Variants in DOCK1 observed in about 807,000 individuals in gnomAD.
DOCK1 encodes dedicator of cytokinesis 1.
Under a neutral mutation model 262.7 loss-of-function variants are expected in DOCK1, and 138 were observed. The observed-to-expected ratio is 0.53, with a 90% CI of 0.46 to 0.61. The LOEUF is 0.61. Ranked by LOEUF, DOCK1 falls within the 20% of genes least tolerant of loss-of-function variation. The pLI is 0.00. For missense variants in DOCK1, 1,908 were observed against 2,370.7 expected, an observed-to-expected ratio of 0.80 and a Z score of 4.05; for synonymous variants, 866 against 867.4, an observed-to-expected ratio of 1.00 and a Z score of 0.03.
chr10:127,072,883 T>C (rs373283302), intron 23 of DOCK1, among the ~76,000 whole-genome samples: 2 of 152,338 alleles, frequency 1.3e-5, no homozygotes, highest in East Asian at 3.9e-4. Context: ...TGGAAACATT[T>C]ATATCCCACA....
rs139631384 is a variant in DOCK1 at position 127,019,025 on chromosome 10, G to T, written c.1327+190G>T. 3.5e-4 allele frequency: 307 copies of T among 875,168 alleles called. 1 individual carries two copies. The African/African-American group carries it at 4.4e-3, about 13-fold the overall frequency. The allele number at this position is 875,168 out of a possible 1,614,324, so 54.2% of individuals were successfully genotyped here. On this transcript the variant is annotated intron_variant, in intron 13 of 51. Coordinates refer to ENST00000623213, the MANE Select transcript of DOCK1 (RefSeq NM_001290223.2). The stretch of plus-strand genomic sequence containing the variant: ...CCGGAGTGGTAGAATATGCTCCCTG[G>T]CCCCCTGTACCCCTGGATGGATCAG...
intron 27 of DOCK1, among the ~76,000 whole-genome samples, chr10:127,238,741 CG>C (rs2059160817): frequency 6.6e-6 from 1 of 152,184 alleles, no homozygotes; most frequent in East Asian, 1.9e-4. Context: ...AGAAGAAAGA[CG>C]TGACCCAGCC....
intron 12 of DOCK1, 62 bp from the exon 13 acceptor site, chr10:127,018,648 G>C: frequency 6.2e-7 from 1 of 1,609,552 alleles, no homozygotes; most frequent in Non-Finnish European, 8.5e-7. Context: ...AATTGGTTTC[G>C]TGAAAACTTC....
At chr10:127,161,324 A>T (rs2053575547) in intron 27 of DOCK1, among the ~76,000 whole-genome samples, 1 of 152,126 alleles carries the variant, frequency 6.6e-6, no homozygotes, top group Admixed American at 6.5e-5. Context: ...AACTCCCAGG[A>T]TCACCCCTTC....
intron 16 of DOCK1, among the ~76,000 whole-genome samples, 189 bp from the exon 17 acceptor site, chr10:127,031,461 C>G (rs1032114533): frequency 5.3e-5 from 8 of 152,106 alleles, no homozygotes; most frequent in Non-Finnish European, 1.2e-4. Context: ...CAACTGATCC[C>G]TTTATGCTAG....
rs138769711 is a variant in DOCK1 at position 127,032,731 on chromosome 10, A to G, written c.1912+411A>G. 7.3e-3 allele frequency among the ~76,000 whole-genome samples: 1,107 copies of G among 151,776 alleles called. 15 individuals carry two copies. The highest frequency in any genetic ancestry group is 0.025 in the African/African-American group (1,039 of 41,366). The stretch of plus-strand genomic sequence containing the variant: ...ATCACGCTTGGCTAATTTTATTTTT[A>G]TTTTTTATAGAGATGAGGTCTCACT... On this transcript the variant is annotated intron_variant, in intron 18 of 51. Transcript: ENST00000623213.
At chr10:127,412,399 T>C (rs2067912976) in intron 43 of DOCK1, among the ~76,000 whole-genome samples, 1 of 152,152 alleles carries the variant, frequency 6.6e-6, no homozygotes, top group African/African-American at 2.4e-5. Flanking sequence ...AGTGAGTGGA[T>C]CCATGTTGAA....
intron 33 of DOCK1, among the ~76,000 whole-genome samples, chr10:127,366,422 G>C (rs1005297339): frequency 5.3e-4 from 80 of 152,154 alleles, no homozygotes; most frequent in African/African-American, 1.8e-3. Flanking sequence ...GGTCATGCTG[G>C]ACTGGCCTTT....
At chr10:127,354,197 G>T (rs781030193) in intron 31 of DOCK1, among the ~76,000 whole-genome samples, 1 of 152,104 alleles carries the variant, frequency 6.6e-6, no homozygotes, top group Non-Finnish European at 1.5e-5. Flanking sequence ...TTGGTGTTAA[G>T]CCCTTCCTTA....
At chr10:127,190,892 C>T (rs1429904654) in intron 27 of DOCK1, among the ~76,000 whole-genome samples, 3 of 151,994 alleles carry the variant, frequency 2.0e-5, no homozygotes, top group South Asian at 2.1e-4. Flanking sequence ...CAACTGGTCT[C>T]CAACTCCTCT....
intron 29 of DOCK1, among the ~76,000 whole-genome samples, chr10:127,311,406 A>G (rs1039693721): frequency 6.6e-6 from 1 of 152,208 alleles, no homozygotes; most frequent in African/African-American, 2.4e-5. Context: ...GTCTTCCTTT[A>G]TGCAGTACAC....
At chr10:127,027,073 CA>C (rs1302446401) in intron 16 of DOCK1, among the ~76,000 whole-genome samples, 1 of 152,228 alleles carries the variant, frequency 6.6e-6, no homozygotes, top group Non-Finnish European at 1.5e-5. Context: ...GTCTCTTTGG[CA>C]TTGGGAACTG....
intron 27 of DOCK1, among the ~76,000 whole-genome samples, chr10:127,240,584 C>A (rs1295294855): frequency 6.6e-6 from 1 of 152,128 alleles, no homozygotes; most frequent in East Asian, 1.9e-4. Flanking sequence ...ACGTGACATA[C>A]TTTTTGAGGG....
At chr10:127,432,710 C>A (rs993409510) in intron 47 of DOCK1, among the ~76,000 whole-genome samples, 2 of 152,022 alleles carry the variant, frequency 1.3e-5, no homozygotes, top group Non-Finnish European at 2.9e-5. Flanking sequence ...ATCACTAGTT[C>A]ACTACCTAGC....
intron 38 of DOCK1, among the ~76,000 whole-genome samples, chr10:127,397,745 TGTATGACACGGGCAGCGACTC>T (rs1262192784): frequency 9.6e-6 from 1 of 104,362 alleles, no homozygotes; most frequent in African/African-American, 3.9e-5. Context: ...CAGCGACTCC[TGTATGACACGGGCAGCGACTC>T]CTGTATGACA....
chr10:127,163,356 T>C (rs1236577318), intron 27 of DOCK1, among the ~76,000 whole-genome samples: 1 of 152,036 alleles, frequency 6.6e-6, no homozygotes, highest in African/African-American at 2.4e-5. Context: ...CGCCATGGAG[T>C]ATACCGGGAG....
At chr10:127,193,511 C>G (rs990606630) in intron 27 of DOCK1, among the ~76,000 whole-genome samples, 2 of 152,200 alleles carry the variant, frequency 1.3e-5, no homozygotes, top group South Asian at 4.1e-4. Flanking sequence ...GCATAAGTCA[C>G]CTGCTTCTCA....
chr10:127,349,894 CAG>C (rs1472696508), intron 31 of DOCK1, among the ~76,000 whole-genome samples: 1 of 152,114 alleles, frequency 6.6e-6, no homozygotes, highest in East Asian at 1.9e-4. Flanking sequence ...CTTATAAGGA[CAG>C]AGGTCACTGG....
chr10:127,121,954 G>T (rs187856401), intron 25 of DOCK1, among the ~76,000 whole-genome samples: 1,934 of 152,338 alleles, frequency 0.013, 23 homozygotes, highest in Non-Finnish European at 0.018. Context: ...TGGTTTATGT[G>T]CTTGGATATG....
Sources: gnomAD v4.1 joint callset for allele counts (sites outside exome capture counted in the v4.1 genomes callset) on GRCh38, gnomAD v4.1.1 for gene constraint, MANE v1.5 for transcripts, NCBI Gene and HGNC (gene_info 2026-07-23, HGNC 2026-07-21) for gene names.